Variants in PLCB1 observed in about 807,000 individuals in gnomAD.
PLCB1 encodes the protein 1-phosphatidylinositol 4,5-bisphosphate phosphodiesterase beta-1.
Under a neutral mutation model 161.8 loss-of-function variants are expected in PLCB1, and 46 were observed. That is an observed-to-expected ratio of 0.28 (90% CI 0.22 to 0.36). PLCB1 has a LOEUF of 0.36. Ranked by LOEUF, PLCB1 falls within the 10% of genes least tolerant of loss-of-function variation. The pLI, the probability that PLCB1 is intolerant of heterozygous loss-of-function variation, is 1.00. For synonymous variants in PLCB1, 517 were observed against 503.7 expected (o/e 1.03, Z -0.35); for missense variants, 1,016 against 1,472.5 (o/e 0.69, Z 5.07).
intron 27 of PLCB1, among the ~76,000 whole-genome samples, chr20:8,785,303 T>C (rs547626391): frequency 6.6e-6 from 1 of 152,188 alleles, no homozygotes; most frequent in South Asian, 2.1e-4. Context: ...ACATGTAGAT[T>C]CTGACTTAGT....
Position 8,832,503 on chromosome 20 carries a change from G to T in PLCB1, c.3423+42242G>T, listed in dbSNP as rs377166259. Among the ~76,000 whole-genome samples, 21 of 152,292 alleles carry T rather than the reference G, an allele frequency of 1.4e-4. 1 individual carries two copies. Among genetic ancestry groups the T allele is most frequent in the African/African-American group, 3.4e-4 (14 of 41,568 alleles). On this transcript the variant is annotated intron_variant, in intron 31 of 31. Transcript: ENST00000338037. ...AGAAATTCTGAACTTGGATCTCTTCGCATGTCCTTGTTCTGCTTAAGAAAT... is the reference window on the plus strand; with the variant it reads ...AGAAATTCTGAACTTGGATCTCTTCTCATGTCCTTGTTCTGCTTAAGAAAT...
At chr20:8,510,292 A>G (rs1218120370) in intron 3 of PLCB1, among the ~76,000 whole-genome samples, 1 of 152,090 alleles carries the variant, frequency 6.6e-6, no homozygotes, top group Non-Finnish European at 1.5e-5. Flanking sequence ...GAAATTTTCC[A>G]TAAGCTAAAT....
intron 3 of PLCB1, among the ~76,000 whole-genome samples, chr20:8,379,514 G>A (rs1212518275): frequency 6.6e-6 from 1 of 152,152 alleles, no homozygotes; most frequent in Non-Finnish European, 1.5e-5. Flanking sequence ...CTAGATCCAT[G>A]AGGAATCACC....
chr20:8,702,326 C>T (rs560731069), intron 11 of PLCB1, among the ~76,000 whole-genome samples: 6 of 152,252 alleles, frequency 3.9e-5, no homozygotes, highest in South Asian at 2.1e-4. Context: ...TTTCTCCTTA[C>T]GCTTGACACC....
At chr20:8,715,606 A>G (rs988891847) in intron 12 of PLCB1, among the ~76,000 whole-genome samples, 8 of 152,134 alleles carry the variant, frequency 5.3e-5, no homozygotes, top group African/African-American at 1.7e-4. Flanking sequence ...GAATGATACC[A>G]CCTTTGCTAT....
chr20:8,210,167 A>G (rs1350129064), intron 2 of PLCB1, among the ~76,000 whole-genome samples: 4 of 152,170 alleles, frequency 2.6e-5, no homozygotes, highest in South Asian at 2.1e-4. Flanking sequence ...CCATCTTTTC[A>G]AAAAATTATT....
chr20:8,674,917 AT>A (rs1181549793), intron 9 of PLCB1, among the ~76,000 whole-genome samples: 1 of 152,204 alleles, frequency 6.6e-6, no homozygotes, highest in African/African-American at 2.4e-5. Context: ...ACTCTCAAAT[AT>A]GACAGGATTG....
At chr20:8,165,883 A>G (rs559252741) in intron 2 of PLCB1, among the ~76,000 whole-genome samples, 33 of 152,280 alleles carry the variant, frequency 2.2e-4, no homozygotes, top group Admixed American at 1.0e-3. Context: ...ATTCCCTGCC[A>G]CCAGACCTAA....
chr20:8,133,940 A>G (rs2051317696), intron 1 of PLCB1, among the ~76,000 whole-genome samples: 1 of 152,224 alleles, frequency 6.6e-6, no homozygotes, highest in African/African-American at 2.4e-5. Context: ...CAATTTAAAT[A>G]TTCCAGGTAG....
chr20:8,386,988 G>A (rs1987442515), intron 3 of PLCB1, among the ~76,000 whole-genome samples: 1 of 152,210 alleles, frequency 6.6e-6, no homozygotes. Flanking sequence ...GGGCCTTGCT[G>A]TGGGTTAGAT....
intron 8 of PLCB1, 152 bp from the exon 9 acceptor site, chr20:8,658,386 G>A: frequency 1.7e-6 from 1 of 604,266 alleles, no homozygotes; most frequent in Non-Finnish European, 2.8e-6. Flanking sequence ...AAATTATGGT[G>A]GAGAAGCACA....
chr20:8,154,955 C>A (rs1488039784), intron 2 of PLCB1, among the ~76,000 whole-genome samples: 2 of 151,952 alleles, frequency 1.3e-5, no homozygotes, highest in Middle Eastern at 6.3e-3. Flanking sequence ...TTTTTGCTTC[C>A]TTTAAGATAT....
chr20:8,812,016 A>C (rs2146253467), intron 31 of PLCB1, among the ~76,000 whole-genome samples: 1 of 152,356 alleles, frequency 6.6e-6, no homozygotes, highest in East Asian at 1.9e-4. Context: ...TTAGCAAGTG[A>C]AAAATTTTGT....
At chr20:8,840,524 G>A (rs1443930043) in intron 31 of PLCB1, among the ~76,000 whole-genome samples, 3 of 152,192 alleles carry the variant, frequency 2.0e-5, no homozygotes, top group Admixed American at 6.5e-5. Context: ...AAGGTGGGAC[G>A]TCTGTAGAGG....
chr20:8,237,629 T>C (rs562302783), intron 2 of PLCB1, among the ~76,000 whole-genome samples: 2 of 152,258 alleles, frequency 1.3e-5, no homozygotes, highest in Admixed American at 6.5e-5. Flanking sequence ...GAAATAATTA[T>C]AACTATATCT....
chr20:8,156,958 C>G (rs2051569402), intron 2 of PLCB1, among the ~76,000 whole-genome samples: 1 of 152,106 alleles, frequency 6.6e-6, no homozygotes. Flanking sequence ...AACCAAGTGA[C>G]CATTTATTTA....
chr20:8,304,673 T>G lies in PLCB1; in HGVS notation c.178-66709T>G, dbSNP rs370144069. ...GTGTGGGTGTGTCCACTTGCTCTTA[T>G]GTAAATTCTAATTACTATTGTAATA... On this transcript the variant is annotated intron_variant, in intron 2 of 31. Coordinates refer to ENST00000338037, the MANE Select transcript of PLCB1 (RefSeq NM_015192.4). Among the ~76,000 whole-genome samples, 8 of 151,306 alleles carry G rather than the reference T, an allele frequency of 5.3e-5. No homozygotes were observed. The East Asian group carries it at 1.5e-3, about 29-fold the overall frequency.
intron 2 of PLCB1, among the ~76,000 whole-genome samples, chr20:8,234,293 A>T (rs1046503919): frequency 6.6e-6 from 1 of 152,158 alleles, no homozygotes; most frequent in African/African-American, 2.4e-5. Context: ...CCAGAAGGTT[A>T]AAGTAATAAT....
At chr20:8,327,425 C>A (rs1276806813) in intron 2 of PLCB1, among the ~76,000 whole-genome samples, 1 of 152,162 alleles carries the variant, frequency 6.6e-6, no homozygotes, top group Non-Finnish European at 1.5e-5. Flanking sequence ...CACAGATGTT[C>A]ACATTCTATT....
Sources: gnomAD v4.1 joint callset for allele counts (sites outside exome capture counted in the v4.1 genomes callset) on GRCh38, gnomAD v4.1.1 for gene constraint, MANE v1.5 for transcripts, NCBI Gene and HGNC (gene_info 2026-07-23, HGNC 2026-07-21) for gene names.